GRID2: variants seen among roughly 807,000 people sequenced by gnomAD.
GRID2 encodes the protein glutamate ionotropic receptor delta type subunit 2, also known as glutamate receptor ionotropic, delta-2.
GRID2 carries 33 observed loss-of-function variants against 114.8 expected under a neutral mutation model. The observed-to-expected ratio is 0.29, with a 90% CI of 0.22 to 0.38. GRID2 has a LOEUF of 0.38. GRID2 is among the 10% of genes least tolerant of loss of function. The pLI, the probability that GRID2 is intolerant of heterozygous loss-of-function variation, is 1.00. For synonymous variants in GRID2, 505 were observed against 449.9 expected, an observed-to-expected ratio of 1.12 and a Z score of -1.55; for missense variants, 1,184 against 1,257.7, an observed-to-expected ratio of 0.94 and a Z score of 0.89.
At chr4:92,584,078 T>C (rs1361062947) in intron 1 of GRID2, among the ~76,000 whole-genome samples, 8 of 151,306 alleles carry the variant, frequency 5.3e-5, no homozygotes, top group Non-Finnish European at 1.0e-4. Context: ...AAAACGCTAA[T>C]CTCTTTTGGT....
At chr4:92,757,858 A>G in intron 2 of GRID2, among the ~76,000 whole-genome samples, 1 of 151,758 alleles carries the variant, frequency 6.6e-6, no homozygotes, top group South Asian at 2.1e-4. Flanking sequence ...AAAAAAAAAA[A>G]AGGTTTATAC....
At chr4:92,760,761 G>A (rs957501165) in intron 2 of GRID2, among the ~76,000 whole-genome samples, 1 of 152,146 alleles carries the variant, frequency 6.6e-6, no homozygotes, top group Non-Finnish European at 1.5e-5. Context: ...ACATTTTTAT[G>A]ATATGCTATT....
intron 14 of GRID2, among the ~76,000 whole-genome samples, chr4:93,630,485 A>G (rs977324425): frequency 2.0e-5 from 3 of 152,320 alleles, no homozygotes; most frequent in Non-Finnish European, 2.9e-5. Context: ...GCTCAAGTCT[A>G]TTCTCAAATC....
intron 2 of GRID2, among the ~76,000 whole-genome samples, chr4:92,722,857 A>G (rs1444089105): frequency 6.9e-6 from 1 of 145,746 alleles, no homozygotes; most frequent in Non-Finnish European, 1.5e-5. Context: ...GTTGATGATT[A>G]TGATTAGTTC....
intron 2 of GRID2, among the ~76,000 whole-genome samples, chr4:92,967,879 A>C (rs746491866): frequency 3.2e-4 from 48 of 151,818 alleles, no homozygotes; most frequent in Non-Finnish European, 6.5e-4. Flanking sequence ...ACTCCGAAGT[A>C]ATCTCTCCTT....
intron 8 of GRID2, among the ~76,000 whole-genome samples, chr4:93,253,527 CA>C (rs1159159238): frequency 6.6e-6 from 1 of 151,938 alleles, no homozygotes; most frequent in Non-Finnish European, 1.5e-5. Context: ...AAGGTTTTAA[CA>C]AAACATGAAT....
intron 2 of GRID2, among the ~76,000 whole-genome samples, chr4:92,629,644 A>G (rs1012018577): frequency 1.3e-5 from 2 of 152,122 alleles, no homozygotes; most frequent in African/African-American, 4.8e-5. Flanking sequence ...TGAACAGAAA[A>G]AGGCATAAGC....
chr4:93,398,548 G>A (rs1241883567), intron 9 of GRID2, among the ~76,000 whole-genome samples: 2 of 151,830 alleles, frequency 1.3e-5, no homozygotes, highest in Admixed American at 6.6e-5. Flanking sequence ...GGGAAGGATT[G>A]TAGGTACAAT....
chr4:93,207,248 A>G (rs1742908552), intron 4 of GRID2, among the ~76,000 whole-genome samples, 156 bp from the exon 5 acceptor site: 1 of 151,962 alleles, frequency 6.6e-6, no homozygotes, highest in Admixed American at 6.6e-5. Flanking sequence ...AAATGCATCT[A>G]CAGTGTTTTG....
chr4:93,375,511 A>G (rs959633738), intron 8 of GRID2, among the ~76,000 whole-genome samples: 2 of 152,018 alleles, frequency 1.3e-5, no homozygotes, highest in African/African-American at 4.8e-5. Context: ...GCGCCTGGCC[A>G]GGAGTTTTTC....
chr4:93,192,946 C>T (rs1386012715), intron 4 of GRID2, among the ~76,000 whole-genome samples: 1 of 151,866 alleles, frequency 6.6e-6, no homozygotes, highest in Non-Finnish European at 1.5e-5. Flanking sequence ...TGTGTTACAC[C>T]AATGTGTCTA....
At chr4:93,578,655 T>G (rs1320889210) in intron 13 of GRID2, among the ~76,000 whole-genome samples, 1 of 142,706 alleles carries the variant, frequency 7.0e-6, no homozygotes, top group Non-Finnish European at 1.5e-5. Context: ...GTGCAGTGGC[T>G]CGATCTTGGG....
At chr4:92,543,195 A>G (rs1726067448) in intron 1 of GRID2, among the ~76,000 whole-genome samples, 1 of 152,078 alleles carries the variant, frequency 6.6e-6, no homozygotes, top group South Asian at 2.1e-4. Flanking sequence ...TGCCAAACAC[A>G]CTACTATGTT....
chr4:93,265,018 T>G (rs1750663735), intron 8 of GRID2, among the ~76,000 whole-genome samples: 1 of 151,756 alleles, frequency 6.6e-6, no homozygotes, highest in Non-Finnish European at 1.5e-5. Flanking sequence ...CTTGACCTCA[T>G]GATCTGCCCA....
chr4:93,530,070 T>G (rs890796830), intron 13 of GRID2, among the ~76,000 whole-genome samples: 1 of 152,152 alleles, frequency 6.6e-6, no homozygotes, highest in African/African-American at 2.4e-5. Flanking sequence ...GCTTTAACTA[T>G]CAATCCTGCC....
chr4:93,103,169 C>T (rs1731862163), intron 3 of GRID2, among the ~76,000 whole-genome samples: 1 of 152,050 alleles, frequency 6.6e-6, no homozygotes, highest in Non-Finnish European at 1.5e-5. Context: ...TAAAATTCCT[C>T]CTTCCACCAG....
At chr4:92,670,278 G>A (rs1383008436) in intron 2 of GRID2, among the ~76,000 whole-genome samples, 2 of 151,958 alleles carry the variant, frequency 1.3e-5, no homozygotes, top group African/African-American at 2.4e-5. Context: ...ATACTATTAT[G>A]TTGTCATTAG....
intron 13 of GRID2, among the ~76,000 whole-genome samples, chr4:93,527,207 T>A (rs541445654): frequency 6.6e-6 from 1 of 152,312 alleles, no homozygotes; most frequent in South Asian, 2.1e-4. Flanking sequence ...TGTTTTTATG[T>A]TTCTCAGATT....
At chr4:93,710,294 A>G (rs1216473783) in intron 14 of GRID2, among the ~76,000 whole-genome samples, 1 of 152,200 alleles carries the variant, frequency 6.6e-6, no homozygotes, top group African/African-American at 2.4e-5. Context: ...ATTAGGGGGC[A>G]CCCCAAGCCC....
Sources: allele counts gnomAD v4.1 joint callset (sites outside exome capture counted in the v4.1 genomes callset), GRCh38; gene constraint gnomAD v4.1.1; transcripts MANE v1.5; gene names NCBI Gene and HGNC (gene_info 2026-07-23, HGNC 2026-07-21).